The following GAP43 variants were observed in gnomAD, a reference collection of about 807,000 sequenced individuals.
GAP43 encodes growth associated protein 43, also known as neuromodulin.
Under a neutral mutation model 18.6 loss-of-function variants are expected in GAP43, and 6 were observed. That is an observed-to-expected ratio of 0.32 (90% CI 0.18 to 0.64). The LOEUF (loss-of-function observed/expected upper bound fraction) is 0.64. Ranked by LOEUF, GAP43 falls within the 30% of genes least tolerant of loss-of-function variation. The probability of loss-of-function intolerance (pLI) is 0.78; values close to 1 mark genes in which losing one functional copy is unlikely to be tolerated. For missense variants in GAP43, 292 were observed against 295.5 expected (o/e 0.99, Z 0.09); for synonymous variants, 115 against 111.4 (o/e 1.03, Z -0.20).
At chr3:115,662,044 A>G (rs1478699186) in intron 1 of GAP43, among the ~76,000 whole-genome samples, 2 of 152,020 alleles carry the variant, frequency 1.3e-5, no homozygotes, top group African/African-American at 4.8e-5. Context: ...CCACAATTCG[A>G]TTTTAGCTTA....
At chr3:115,653,852 AT>A (rs1414468869) in intron 1 of GAP43, among the ~76,000 whole-genome samples, 1 of 152,150 alleles carries the variant, frequency 6.6e-6, no homozygotes, top group Non-Finnish European at 1.5e-5. Flanking sequence ...TATTTAATGA[AT>A]TTTCCTATGA....
At chr3:115,660,142 A>G (rs1708639840) in intron 1 of GAP43, among the ~76,000 whole-genome samples, 1 of 152,080 alleles carries the variant, frequency 6.6e-6, no homozygotes, top group Non-Finnish European at 1.5e-5. Flanking sequence ...GGTTTATTTA[A>G]CAGTTCATAG....
chr3:115,650,475 C>G (rs940132956), intron 1 of GAP43, among the ~76,000 whole-genome samples: 1 of 152,036 alleles, frequency 6.6e-6, no homozygotes, highest in Non-Finnish European at 1.5e-5. Flanking sequence ...CATCTGGGAT[C>G]CCCCTCTCTC....
intron 1 of GAP43, among the ~76,000 whole-genome samples, chr3:115,643,086 A>G (rs1452809492): frequency 6.6e-6 from 1 of 152,082 alleles, no homozygotes; most frequent in Non-Finnish European, 1.5e-5. Flanking sequence ...TATCTTACAG[A>G]TGTGGCTAAT....
chr3:115,633,535 A>C (rs1326517197), intron 1 of GAP43, among the ~76,000 whole-genome samples: 1 of 152,038 alleles, frequency 6.6e-6, no homozygotes, highest in African/African-American at 2.4e-5. Flanking sequence ...CCTTTTGGTT[A>C]TTTTCAATTT....
chr3:115,709,609 C>T (rs185731203), intron 2 of GAP43, among the ~76,000 whole-genome samples: 58 of 152,186 alleles, frequency 3.8e-4, no homozygotes, highest in Non-Finnish European at 7.5e-4. Flanking sequence ...CATAAATTTG[C>T]TTATTTCACT....
At chr3:115,637,759 G>C (rs1708347465) in intron 1 of GAP43, among the ~76,000 whole-genome samples, 1 of 151,854 alleles carries the variant, frequency 6.6e-6, no homozygotes, top group Admixed American at 6.6e-5. Flanking sequence ...CTGACCCGCA[G>C]GAACCCCAAT....
At chr3:115,693,578 T>C (rs1709142267) in intron 2 of GAP43, among the ~76,000 whole-genome samples, 1 of 151,994 alleles carries the variant, frequency 6.6e-6, no homozygotes. Flanking sequence ...ACAGCATTAA[T>C]GCTATGGTGT....
intron 2 of GAP43, among the ~76,000 whole-genome samples, chr3:115,697,490 G>A (rs964140819): frequency 2.6e-5 from 4 of 152,130 alleles, no homozygotes; most frequent in South Asian, 2.1e-4. Flanking sequence ...GATGATGGCC[G>A]CTGGACAGCA....
At chr3:115,627,601 A>G (rs978306356) in intron 1 of GAP43, among the ~76,000 whole-genome samples, 2 of 152,148 alleles carry the variant, frequency 1.3e-5, no homozygotes, top group African/African-American at 4.8e-5. Flanking sequence ...GAGCATATAT[A>G]TTAACCAATC....
chr3:115,717,220 A>G (rs987775904), intron 2 of GAP43, among the ~76,000 whole-genome samples: 1 of 152,118 alleles, frequency 6.6e-6, no homozygotes, highest in African/African-American at 2.4e-5. Flanking sequence ...TGAAGTAGGT[A>G]CTGCTGTTAC....
At chr3:115,646,968 A>G (rs1382482577) in intron 1 of GAP43, among the ~76,000 whole-genome samples, 1 of 151,982 alleles carries the variant, frequency 6.6e-6, no homozygotes, top group Non-Finnish European at 1.5e-5. Flanking sequence ...GGGCAGAGGG[A>G]TACAAAACCC....
Position 115,656,022 on chromosome 3 carries a change from A to C in GAP43, c.31-19991A>C, listed in dbSNP as rs1040562976. Reference sequence around the variant, plus strand: ...AATTCAGTTATCTACTTTGTCCAAAATTCAGCCTTCTCATACTCTGTGCCC... The same window carrying C: ...AATTCAGTTATCTACTTTGTCCAAACTTCAGCCTTCTCATACTCTGTGCCC... On this transcript the variant is annotated intron_variant, in intron 1 of 2. Coordinates refer to ENST00000305124, the MANE Select transcript of GAP43 (RefSeq NM_002045.4). Among the ~76,000 whole-genome samples, 44 of 152,226 alleles carry C rather than the reference A, an allele frequency of 2.9e-4. 1 individual carries two copies. Among genetic ancestry groups the C allele is most frequent in the African/African-American group, 1.1e-3 (44 of 41,458 alleles).
At chr3:115,642,715 T>C (rs1708411811) in intron 1 of GAP43, among the ~76,000 whole-genome samples, 2 of 152,070 alleles carry the variant, frequency 1.3e-5, no homozygotes. Flanking sequence ...TTTTAAGAAT[T>C]AAATGTTAAT....
At chr3:115,692,871 T>TAAC (rs1333183465) in intron 2 of GAP43, among the ~76,000 whole-genome samples, 1 of 152,180 alleles carries the variant, frequency 6.6e-6, no homozygotes, top group Non-Finnish European at 1.5e-5. Flanking sequence ...TAAAGTGACT[T>TAAC]AACAATCTAC....
At chr3:115,675,844 G>A (rs1414406190) in intron 1 of GAP43, among the ~76,000 whole-genome samples, 169 bp from the exon 2 acceptor site, 4 of 151,450 alleles carry the variant, frequency 2.6e-5, no homozygotes, top group Non-Finnish European at 5.9e-5. Flanking sequence ...CAATACTGTG[G>A]GAGAAAGATG....
At chr3:115,648,096 G>C (rs1198963225) in intron 1 of GAP43, among the ~76,000 whole-genome samples, 1 of 152,126 alleles carries the variant, frequency 6.6e-6, no homozygotes, top group East Asian at 1.9e-4. Context: ...CTAACCAGTT[G>C]TTTTGTAGTC....
rs1185676120 is a variant in GAP43, at chr3:115,676,627, G to T, written c.628+17G>T. The T allele has an allele frequency of 4.5e-6, 7 of 1,549,474 alleles. No individual in the cohort carries two copies. The highest frequency in any genetic ancestry group is 6.1e-6 in the Non-Finnish European group (7 of 1,152,236). ...AGAACATAGGTGAGCAACCGCGAGGGTCAGATGCAATGGGTGGATGGGGAA... is the reference window on the plus strand; with the variant it reads ...AGAACATAGGTGAGCAACCGCGAGGTTCAGATGCAATGGGTGGATGGGGAA... On this transcript the variant is annotated intron_variant, in intron 2 of 2. Coordinates refer to ENST00000305124, the MANE Select transcript of GAP43 (RefSeq NM_002045.4).
At chr3:115,709,520 C>T (rs766105089) in intron 2 of GAP43, among the ~76,000 whole-genome samples, 17 of 152,134 alleles carry the variant, frequency 1.1e-4, no homozygotes, top group Admixed American at 7.9e-4. Flanking sequence ...AACTTCTTTT[C>T]AGAGTGTTAA....
Sources: allele counts gnomAD v4.1 joint callset (sites outside exome capture counted in the v4.1 genomes callset), GRCh38; gene constraint gnomAD v4.1.1; transcripts MANE v1.5; gene names NCBI Gene and HGNC (gene_info 2026-07-23, HGNC 2026-07-21).